Variants in KCNJ6 observed in about 807,000 individuals in gnomAD.
KCNJ6 encodes the protein potassium inwardly rectifying channel subfamily J member 6, also known as G protein-activated inward rectifier potassium channel 2.
Under a neutral mutation model 34.2 loss-of-function variants are expected in KCNJ6, and 9 were observed. The observed-to-expected ratio is 0.26, with a 90% CI of 0.16 to 0.46. The LOEUF (loss-of-function observed/expected upper bound fraction) is 0.46, where lower values mean the gene tolerates loss of function less well. Among genes scored for constraint, KCNJ6 ranks in the 20% least tolerant of loss-of-function variants. KCNJ6 has a pLI of 1.00. For missense variants in KCNJ6, 236 were observed against 531.3 expected, an observed-to-expected ratio of 0.44 and a Z score of 5.46; for synonymous variants, 196 against 207.1, an observed-to-expected ratio of 0.95 and a Z score of 0.46.
intron 1 of KCNJ6, among the ~76,000 whole-genome samples, chr21:37,900,729 G>A (rs1460934175): frequency 6.6e-6 from 1 of 152,114 alleles, no homozygotes; most frequent in African/African-American, 2.4e-5. Context: ...AGTGAGTTAG[G>A]AGGCCTGGAC....
At chr21:37,680,478 G>T (rs1888467) in intron 3 of KCNJ6, among the ~76,000 whole-genome samples, 72,110 of 152,058 alleles carry the variant, frequency 0.47, 17,202 homozygotes, top group South Asian at 0.53. Context: ...TGGGCATGGG[G>T]CACCCAGATA....
At chr21:37,739,851 G>A (rs1163424163) in intron 2 of KCNJ6, among the ~76,000 whole-genome samples, 1 of 151,708 alleles carries the variant, frequency 6.6e-6, no homozygotes, top group Non-Finnish European at 1.5e-5. Context: ...CATTGGCTTG[G>A]GTAAATATTC....
intron 2 of KCNJ6, among the ~76,000 whole-genome samples, chr21:37,836,411 A>G (rs996425785): frequency 6.6e-6 from 1 of 152,218 alleles, no homozygotes; most frequent in African/African-American, 2.4e-5. Context: ...AGGATTATAA[A>G]TCATTCTACT....
intron 2 of KCNJ6, among the ~76,000 whole-genome samples, chr21:37,724,475 G>GA (rs2054843473): frequency 6.6e-6 from 1 of 152,172 alleles, no homozygotes; most frequent in African/African-American, 2.4e-5. Context: ...GCCAGGTGCT[G>GA]AAATAAGGAG....
chr21:37,863,524 A>G (rs944144253), intron 1 of KCNJ6, among the ~76,000 whole-genome samples: 18 of 152,224 alleles, frequency 1.2e-4, no homozygotes, highest in African/African-American at 4.8e-5. Flanking sequence ...CCAGACATTT[A>G]TATTTTTAAC....
chr21:37,631,679 G>T (rs2054334280), intron 3 of KCNJ6, among the ~76,000 whole-genome samples: 2 of 152,134 alleles, frequency 1.3e-5, no homozygotes, highest in Non-Finnish European at 2.9e-5. Flanking sequence ...CCCCAGTGTA[G>T]AACTGGGGCC....
intron 2 of KCNJ6, among the ~76,000 whole-genome samples, chr21:37,806,357 T>G (rs942215400): frequency 2.6e-5 from 4 of 152,174 alleles, no homozygotes; most frequent in African/African-American, 9.7e-5. Flanking sequence ...GTGGTATAAT[T>G]TATTTCTCTC....
At chr21:37,808,519 C>A (rs1275840123) in intron 2 of KCNJ6, among the ~76,000 whole-genome samples, 3 of 152,170 alleles carry the variant, frequency 2.0e-5, no homozygotes, top group African/African-American at 7.2e-5. Flanking sequence ...CTTGAGTGCA[C>A]TTTAAAAAAG....
intron 1 of KCNJ6, among the ~76,000 whole-genome samples, chr21:37,852,491 G>A (rs546587711): frequency 1.3e-5 from 2 of 152,276 alleles, no homozygotes; most frequent in South Asian, 2.1e-4. Context: ...TAGGGATCCT[G>A]AGCCTTCATT....
At chr21:37,664,811 T>A (rs1460504418) in intron 3 of KCNJ6, among the ~76,000 whole-genome samples, 1 of 130,836 alleles carries the variant, frequency 7.6e-6, no homozygotes, top group Non-Finnish European at 1.6e-5. Context: ...TTTTTTTTTT[T>A]TTTGAGATGG....
At chr21:37,780,030 G>C (rs1041290225) in intron 2 of KCNJ6, among the ~76,000 whole-genome samples, 1 of 152,228 alleles carries the variant, frequency 6.6e-6, no homozygotes, top group Non-Finnish European at 1.5e-5. Context: ...GTTGGTCTGA[G>C]GTCATTCTGC....
chr21:37,820,431 C>T (rs1456944114), intron 2 of KCNJ6, among the ~76,000 whole-genome samples: 2 of 152,228 alleles, frequency 1.3e-5, no homozygotes, highest in Admixed American at 6.5e-5. Context: ...TTAGACTTCA[C>T]AGATTAGGGA....
At chr21:37,649,025 G>A (rs980290284) in intron 3 of KCNJ6, among the ~76,000 whole-genome samples, 26 of 28,010 alleles carry the variant, frequency 9.3e-4, no homozygotes, top group Admixed American at 6.7e-3. Context: ...CCAACTACTC[G>A]GGAGGCTGAG....
At chr21:37,789,843 T>G (rs1052335072) in intron 2 of KCNJ6, among the ~76,000 whole-genome samples, 1 of 152,158 alleles carries the variant, frequency 6.6e-6, no homozygotes, top group African/African-American at 2.4e-5. Context: ...GGTGAGAACT[T>G]TAGGTGTCTT....
chr21:37,851,899 C>CT (rs60086556), intron 1 of KCNJ6, among the ~76,000 whole-genome samples: 40,270 of 144,772 alleles, frequency 0.28, 6,427 homozygotes, highest in South Asian at 0.4. Flanking sequence ...TCTCTGAGTT[C>CT]TTTTTTTTTT....
At chr21:37,638,447 A>G (rs2054367383) in intron 3 of KCNJ6, among the ~76,000 whole-genome samples, 1 of 152,182 alleles carries the variant, frequency 6.6e-6, no homozygotes, top group Admixed American at 6.5e-5. Flanking sequence ...GCTCCCAGCC[A>G]TAAATTTTGA....
chr21:37,839,614 G>C, intron 2 of KCNJ6, among the ~76,000 whole-genome samples: 1 of 152,156 alleles, frequency 6.6e-6, no homozygotes, highest in Non-Finnish European at 1.5e-5. Context: ...TCATGGAGAA[G>C]TGTTCGTAAG....
intron 3 of KCNJ6, among the ~76,000 whole-genome samples, chr21:37,632,003 G>A (rs538785812): frequency 1.5e-4 from 23 of 152,074 alleles, no homozygotes; most frequent in Non-Finnish European, 2.8e-4. Flanking sequence ...CCTAAGAGTG[G>A]CCCCGATTGT....
chr21:37,739,445 T>G (rs912533549), intron 2 of KCNJ6, among the ~76,000 whole-genome samples: 1 of 152,120 alleles, frequency 6.6e-6, no homozygotes, highest in African/African-American at 2.4e-5. Context: ...GGTTTAACCT[T>G]TTGATGTGGA....
Sources: allele counts gnomAD v4.1 joint callset (sites outside exome capture counted in the v4.1 genomes callset), GRCh38; gene constraint gnomAD v4.1.1; transcripts MANE v1.5; gene names NCBI Gene and HGNC (gene_info 2026-07-23, HGNC 2026-07-21).